Variants in RBKS observed in about 807,000 individuals in gnomAD.
The protein encoded by RBKS is ribokinase.
RBKS carries 33 observed loss-of-function variants against 33.9 expected under a neutral mutation model. The ratio of observed to expected loss-of-function variants is 0.97; its 90% CI spans 0.74 to 1.30. The LOEUF is 1.30. RBKS is among the 50% of genes most tolerant of loss of function. RBKS has a pLI of 0.00. For missense variants in RBKS, 361 were observed against 392.6 expected, an observed-to-expected ratio of 0.92 and a Z score of 0.68; for synonymous variants, 125 against 143.0, an observed-to-expected ratio of 0.87 and a Z score of 0.90.
intron 6 of RBKS, among the ~76,000 whole-genome samples, chr2:27,832,177 T>C (rs1021823319): frequency 6.6e-6 from 1 of 152,224 alleles, no homozygotes; most frequent in Non-Finnish European, 1.5e-5. Flanking sequence ...CACTACAGAA[T>C]GTAGCAGATC....
chr2:27,848,000 T>C (rs1573062617), intron 3 of RBKS, 34 bp downstream of exon 3: 1 of 1,200,864 alleles, frequency 8.3e-7, no homozygotes, highest in East Asian at 2.4e-5. Context: ...AAAAAAGCTA[T>C]AAACACTAAC....
chr2:27,788,948 TC>T (rs1677457147), intron 7 of RBKS, among the ~76,000 whole-genome samples: 1 of 152,158 alleles, frequency 6.6e-6, no homozygotes, highest in South Asian at 2.1e-4. Flanking sequence ...TTAATGCAAT[TC>T]CAATAAAAAT....
intron 7 of RBKS, among the ~76,000 whole-genome samples, chr2:27,782,114 C>T (rs1677300125): frequency 6.6e-6 from 1 of 152,044 alleles, no homozygotes; most frequent in Admixed American, 6.6e-5. Context: ...CCATAGACTC[C>T]TGTAGGCTGT....
intron 6 of RBKS, among the ~76,000 whole-genome samples, chr2:27,830,943 A>G (rs1678404705): frequency 6.6e-6 from 1 of 152,144 alleles, no homozygotes; most frequent in African/African-American, 2.4e-5. Context: ...CTACCATATT[A>G]TGAGGAAGCC....
chr2:27,861,668 G>GC, intron 1 of RBKS: 7 of 429,802 alleles, frequency 1.6e-5, no homozygotes, highest in South Asian at 1.2e-4. Context: ...CTTTTTGGGG[G>GC]GGGGGTGGAG....
chr2:27,829,497 T>C (rs1167328216), intron 6 of RBKS, among the ~76,000 whole-genome samples: 1 of 151,144 alleles, frequency 6.6e-6, no homozygotes, highest in Non-Finnish European at 1.5e-5. Flanking sequence ...GCCTCCTGAG[T>C]AGCTGGGACT....
intron 6 of RBKS, 133 bp downstream of exon 6, chr2:27,832,553 C>T: frequency 1.5e-6 from 1 of 682,998 alleles, no homozygotes. Context: ...CCCCGGTAAA[C>T]TGAAAAAATC....
At chr2:27,781,928 G>A (rs1050432916) in intron 7 of RBKS, 140 bp from the exon 8 acceptor site, 20 of 635,216 alleles carry the variant, frequency 3.1e-5, no homozygotes, top group African/African-American at 7.5e-5. Context: ...GAGTTTCCAC[G>A]TACTCAGACC....
chr2:27,863,883 T>C (rs1664036815), intron 1 of RBKS, among the ~76,000 whole-genome samples: 1 of 152,268 alleles, frequency 6.6e-6, no homozygotes, highest in Non-Finnish European at 1.5e-5. Flanking sequence ...GACATCTATT[T>C]CTACCTCTGT....
chr2:27,873,010 A>G (rs952675127), intron 1 of RBKS, among the ~76,000 whole-genome samples: 2 of 152,110 alleles, frequency 1.3e-5, no homozygotes, highest in African/African-American at 4.8e-5. Flanking sequence ...GAGGGTATGG[A>G]ACACACATGA....
At chr2:27,839,481 G>C (rs983296603) in intron 5 of RBKS, among the ~76,000 whole-genome samples, 6 of 152,082 alleles carry the variant, frequency 3.9e-5, no homozygotes, top group African/African-American at 1.4e-4. Context: ...CCGATTTTTG[G>C]TGTTGTAGCT....
intron 2 of RBKS, 140 bp from the exon 3 acceptor site, chr2:27,848,237 A>G: frequency 1.8e-6 from 1 of 550,300 alleles, no homozygotes; most frequent in Non-Finnish European, 3.2e-6. Context: ...TTCTTAATAT[A>G]AGATGCTAGA....
chr2:27,794,567 C>T (rs1342445462), intron 7 of RBKS, among the ~76,000 whole-genome samples: 1 of 151,302 alleles, frequency 6.6e-6, no homozygotes, highest in Non-Finnish European at 1.5e-5. Flanking sequence ...ATGAACTAGA[C>T]AATGACACCC....
intron 7 of RBKS, among the ~76,000 whole-genome samples, chr2:27,798,052 G>C (rs1212627743): frequency 6.6e-6 from 1 of 152,086 alleles, no homozygotes; most frequent in African/African-American, 2.4e-5. Flanking sequence ...AGGGCATCTA[G>C]GAGCTATGAG....
chr2:27,845,310 A>T (rs990221040), intron 4 of RBKS, among the ~76,000 whole-genome samples: 6 of 152,204 alleles, frequency 3.9e-5, no homozygotes, highest in African/African-American at 7.2e-5. Context: ...TTTATCTTGC[A>T]AACTCACTCC....
intron 1 of RBKS, among the ~76,000 whole-genome samples, chr2:27,868,649 T>G (rs1215113937): frequency 6.6e-6 from 1 of 152,206 alleles, no homozygotes; most frequent in Non-Finnish European, 1.5e-5. Flanking sequence ...CTTCTTGTTT[T>G]GAGTGTGTCA....
intron 1 of RBKS, among the ~76,000 whole-genome samples, chr2:27,864,172 G>A (rs1454735092): frequency 6.6e-6 from 1 of 151,866 alleles, no homozygotes; most frequent in Non-Finnish European, 1.5e-5. Context: ...GACTACGGGG[G>A]CACACAACCA....
chr2:27,880,965 G>T (rs970162539), intron 1 of RBKS, among the ~76,000 whole-genome samples: 1 of 152,120 alleles, frequency 6.6e-6, no homozygotes, highest in African/African-American at 2.4e-5. Context: ...TGTAATCCCA[G>T]CACTTTGGGA....
At chr2:27,801,028 C>G (rs982173530) in intron 7 of RBKS, among the ~76,000 whole-genome samples, 2 of 152,164 alleles carry the variant, frequency 1.3e-5, no homozygotes, top group Non-Finnish European at 2.9e-5. Context: ...GCAGGGACAG[C>G]CTGCACTTCC....
Sources: allele counts gnomAD v4.1 joint callset (sites outside exome capture counted in the v4.1 genomes callset), GRCh38; gene constraint gnomAD v4.1.1; transcripts MANE v1.5; gene names NCBI Gene and HGNC (gene_info 2026-07-23, HGNC 2026-07-21).